Variants in DPYD observed in about 807,000 individuals in gnomAD.
DPYD encodes dihydropyrimidine dehydrogenase, also known as dihydropyrimidine dehydrogenase [NADP(+)].
In DPYD, 109 loss-of-function variants were observed where a neutral mutation model predicts 116.2. The ratio of observed to expected loss-of-function variants is 0.94; its 90% CI spans 0.80 to 1.10. The LOEUF is 1.10. Ranked by LOEUF, DPYD falls within the 50% of genes least tolerant of loss-of-function variation. DPYD has a pLI of 0.00. For synonymous variants in DPYD, 440 were observed against 432.0 expected, an observed-to-expected ratio of 1.02 and a Z score of -0.23; for missense variants, 1,302 against 1,254.5, an observed-to-expected ratio of 1.04 and a Z score of -0.57.
intron 8 of DPYD, among the ~76,000 whole-genome samples, chr1:97,625,073 A>T (rs1368777166): frequency 6.6e-6 from 1 of 152,048 alleles, no homozygotes; most frequent in Non-Finnish European, 1.5e-5. Flanking sequence ...ATAACAGAAT[A>T]CTGTACATTT....
At chr1:97,345,588 C>A (rs985378026) in intron 16 of DPYD, among the ~76,000 whole-genome samples, 6 of 151,728 alleles carry the variant, frequency 4.0e-5, no homozygotes, top group Admixed American at 3.9e-4. Context: ...TGTCGGGATG[C>A]GAGAAAATGC....
intron 2 of DPYD, among the ~76,000 whole-genome samples, chr1:97,843,199 A>C (rs1476290818): frequency 6.6e-6 from 1 of 152,144 alleles, no homozygotes; most frequent in African/African-American, 2.4e-5. Flanking sequence ...AATTGAGCTT[A>C]AAATTGGAAA....
intron 13 of DPYD, among the ~76,000 whole-genome samples, chr1:97,476,797 C>T (rs565263911): frequency 6.6e-6 from 1 of 151,886 alleles, no homozygotes; most frequent in Admixed American, 6.6e-5. Flanking sequence ...AGGTTCAGTT[C>T]CAGACCATCA....
At chr1:97,421,755 T>C (rs1322170451) in intron 14 of DPYD, among the ~76,000 whole-genome samples, 1 of 151,954 alleles carries the variant, frequency 6.6e-6, no homozygotes, top group Admixed American at 6.6e-5. Flanking sequence ...ATTCAAAGAG[T>C]AAAGCAACAC....
At chr1:97,160,677 C>A (rs1655826570) in intron 20 of DPYD, among the ~76,000 whole-genome samples, 2 of 152,084 alleles carry the variant, frequency 1.3e-5, no homozygotes, top group Non-Finnish European at 2.9e-5. Context: ...TCAAAGAGAA[C>A]AGGACAGCCT....
At chr1:97,316,369 C>A (rs897797863) in intron 16 of DPYD, among the ~76,000 whole-genome samples, 3 of 150,382 alleles carry the variant, frequency 2.0e-5, no homozygotes, top group African/African-American at 4.9e-5. Context: ...AAACAAAAAA[C>A]CAGGCATGGT....
At chr1:97,129,679 C>G (rs912922037) in intron 20 of DPYD, among the ~76,000 whole-genome samples, 18 of 152,114 alleles carry the variant, frequency 1.2e-4, no homozygotes, top group African/African-American at 4.3e-4. Context: ...TCTTTTAATG[C>G]TAGGCTTCCT....
chr1:97,856,536 G>C (rs537642077), intron 2 of DPYD: 1 of 152,294 alleles, frequency 6.6e-6, no homozygotes, highest in South Asian at 2.1e-4. Flanking sequence ...CAAAATGCCT[G>C]CACATAAGAC....
chr1:97,222,974 T>C (rs1660872976), intron 19 of DPYD, among the ~76,000 whole-genome samples: 1 of 152,000 alleles, frequency 6.6e-6, no homozygotes, highest in Non-Finnish European at 1.5e-5. Flanking sequence ...ACCTACCCAA[T>C]GAAAATTTGT....
chr1:97,453,866 G>T (rs1465752442), intron 13 of DPYD, among the ~76,000 whole-genome samples: 1 of 151,928 alleles, frequency 6.6e-6, no homozygotes, highest in Admixed American at 6.6e-5. Flanking sequence ...CCAAATCAAA[G>T]GAAAATTTAT....
chr1:97,846,195 T>A (rs918184175), intron 2 of DPYD, among the ~76,000 whole-genome samples: 2 of 152,138 alleles, frequency 1.3e-5, no homozygotes, highest in Non-Finnish European at 2.9e-5. Context: ...ACCTCAAGGA[T>A]CACGTGACAC....
intron 18 of DPYD, among the ~76,000 whole-genome samples, chr1:97,278,352 T>C (rs1395745754): frequency 6.6e-6 from 1 of 152,192 alleles, no homozygotes; most frequent in African/African-American, 2.4e-5. Flanking sequence ...AAAAGTTACA[T>C]TTACTTTCTG....
chr1:97,447,072 G>A (rs1676127701), intron 14 of DPYD, among the ~76,000 whole-genome samples: 2 of 152,144 alleles, frequency 1.3e-5, no homozygotes, highest in Admixed American at 1.3e-4. Context: ...TTACATTCAA[G>A]AAGTTCATCA....
At chr1:97,778,385 T>G (rs990516097) in intron 3 of DPYD, among the ~76,000 whole-genome samples, 10 of 152,116 alleles carry the variant, frequency 6.6e-5, no homozygotes, top group African/African-American at 2.4e-4. Flanking sequence ...TCTAAATTAT[T>G]AACAAGAAAA....
intron 2 of DPYD, among the ~76,000 whole-genome samples, chr1:97,839,217 A>G (rs530640932): frequency 6.6e-6 from 1 of 152,346 alleles, no homozygotes; most frequent in Admixed American, 6.5e-5. Context: ...AATTACGCAT[A>G]TTGTAAATGG....
intron 19 of DPYD, among the ~76,000 whole-genome samples, chr1:97,202,977 A>T (rs1659315450): frequency 1.3e-5 from 2 of 152,134 alleles, no homozygotes; most frequent in South Asian, 4.1e-4. Flanking sequence ...GCATAAATAC[A>T]AGACTCAAAA....
intron 20 of DPYD, among the ~76,000 whole-genome samples, chr1:97,123,045 G>A (rs944037891): frequency 3.3e-5 from 5 of 152,148 alleles, no homozygotes; most frequent in African/African-American, 1.2e-4. Context: ...TATCTTTAAA[G>A]TAAAGGTTAA....
intron 20 of DPYD, among the ~76,000 whole-genome samples, chr1:97,155,511 G>A (rs1293491340): frequency 6.6e-6 from 1 of 152,070 alleles, no homozygotes; most frequent in Non-Finnish European, 1.5e-5. Flanking sequence ...TGCATTAGTT[G>A]TTTTTATTAT....
chr1:97,540,377 CAA>C (rs987830681), intron 12 of DPYD, among the ~76,000 whole-genome samples: 4 of 150,526 alleles, frequency 2.7e-5, no homozygotes, highest in African/African-American at 2.4e-5. Context: ...CAAAACAAAA[CAA>C]AACAAAACAA....
Sources: allele counts gnomAD v4.1 joint callset (sites outside exome capture counted in the v4.1 genomes callset), GRCh38; gene constraint gnomAD v4.1.1; transcripts MANE v1.5; gene names NCBI Gene and HGNC (gene_info 2026-07-23, HGNC 2026-07-21).